Variants in CMIP observed in about 807,000 individuals in gnomAD.
CMIP encodes C-Maf-inducing protein.
CMIP carries 13 observed loss-of-function variants against 97.3 expected under a neutral mutation model. The observed-to-expected ratio is 0.13, with a 90% CI of 0.09 to 0.21. The LOEUF (loss-of-function observed/expected upper bound fraction) is 0.21, where lower values mean the gene tolerates loss of function less well. Ranked by LOEUF, CMIP falls within the 10% of genes least tolerant of loss-of-function variation. CMIP has a pLI of 1.00. For synonymous variants in CMIP, 538 were observed against 436.3 expected, an observed-to-expected ratio of 1.23 and a Z score of -2.91; for missense variants, 847 against 1,024.9, an observed-to-expected ratio of 0.83 and a Z score of 2.37.
Position 81,530,275 on chromosome 16 carries a change from G to A in CMIP, c.301-77292G>A, listed in dbSNP as rs149751770. Among the ~76,000 whole-genome samples, 459 of 152,296 alleles carry A rather than the reference G, an allele frequency of 3.0e-3. 2 individuals carry two copies. The highest frequency in any genetic ancestry group is 4.6e-3 in the Non-Finnish European group (316 of 68,010). On this transcript the variant is annotated intron_variant, in intron 1 of 20. Coordinates refer to ENST00000537098, the MANE Select transcript of CMIP (RefSeq NM_198390.3). ...ATTCTGATACTTTATTACCCCAGGCGAATGTGATTTGAGTAGAGTCCTGCT... is the reference window on the plus strand; with the variant it reads ...ATTCTGATACTTTATTACCCCAGGCAAATGTGATTTGAGTAGAGTCCTGCT...
intron 1 of CMIP, among the ~76,000 whole-genome samples, chr16:81,539,674 C>T (rs2090412206): frequency 6.6e-6 from 1 of 152,220 alleles, no homozygotes; most frequent in African/African-American, 2.4e-5. Flanking sequence ...AGCCTCCTCC[C>T]TACCACCTGA....
intron 1 of CMIP, among the ~76,000 whole-genome samples, chr16:81,536,496 C>T (rs955688484): frequency 2.0e-5 from 3 of 152,110 alleles, no homozygotes; most frequent in African/African-American, 7.2e-5. Flanking sequence ...AACATAATGC[C>T]CTGTCCTAAC....
intron 1 of CMIP, among the ~76,000 whole-genome samples, chr16:81,535,199 C>T (rs1302858400): frequency 6.6e-6 from 1 of 152,158 alleles, no homozygotes; most frequent in Non-Finnish European, 1.5e-5. Flanking sequence ...ATCTGCCTGC[C>T]TCAACCTCCC....
At chr16:81,573,536 A>C (rs971725661) in intron 1 of CMIP, among the ~76,000 whole-genome samples, 2 of 152,130 alleles carry the variant, frequency 1.3e-5, no homozygotes, top group Admixed American at 1.3e-4. Flanking sequence ...ATCGAAGCTC[A>C]TATTTGATGG....
chr16:81,509,182 G>A (rs1324276063), intron 1 of CMIP, among the ~76,000 whole-genome samples: 1 of 152,204 alleles, frequency 6.6e-6, no homozygotes, highest in Non-Finnish European at 1.5e-5. Context: ...TCCCCGTGTG[G>A]CAGACCTCCT....
intron 15 of CMIP, 51 bp downstream of exon 15, chr16:81,699,852 G>C (rs1321222712): frequency 7.8e-7 from 1 of 1,283,416 alleles, no homozygotes; most frequent in East Asian, 2.5e-5. Context: ...CCCGTCCCTT[G>C]TCCGTGCCGA....
chr16:81,673,016 G>A (rs1051120082), intron 9 of CMIP, among the ~76,000 whole-genome samples: 1 of 152,140 alleles, frequency 6.6e-6, no homozygotes, highest in Non-Finnish European at 1.5e-5. Context: ...CATGTCAGAG[G>A]GTAAGAAAAA....
intron 3 of CMIP, among the ~76,000 whole-genome samples, chr16:81,646,861 T>C (rs1393453140): frequency 6.6e-6 from 1 of 152,250 alleles, no homozygotes; most frequent in African/African-American, 2.4e-5. Context: ...CACATCTTGT[T>C]TATCCATTCA....
chr16:81,486,909 G>A (rs72836915), intron 1 of CMIP, among the ~76,000 whole-genome samples: 193 of 152,368 alleles, frequency 1.3e-3, no homozygotes, highest in African/African-American at 3.5e-3. Flanking sequence ...CTCAGGCATC[G>A]CACATTCCAT....
chr16:81,452,410 C>T (rs889433424), intron 1 of CMIP, among the ~76,000 whole-genome samples: 5 of 152,102 alleles, frequency 3.3e-5, no homozygotes, highest in Admixed American at 3.3e-4. Context: ...TAAGTGTCAC[C>T]GTTCTAGGCA....
In CMIP at chr16:81,707,050, C is replaced by T; in HGVS notation, c.2234C>T (p.Thr745Ile). The change falls in exon 20 of 21, where the codon ACC becomes ATC. Residue 745 changes from threonine to isoleucine, a missense_variant. Around this residue, in one of 4 missense-constraint regions of CMIP, gnomAD observed 266 missense variants for 384.2 expected, o/e 0.69. Transcript: ENST00000537098. ...KSLCSLNMNS[T>I]KLSADTYEDL... is the part of the protein sequence containing the mutation. ...CTCTGCAGTTTAAACATGAACAGCACCAAGCTCTCAGCTGACACCTACGAA... is the reference window on the plus strand; with the variant it reads ...CTCTGCAGTTTAAACATGAACAGCATCAAGCTCTCAGCTGACACCTACGAA... 6.2e-7 allele frequency: 1 copy of T among 1,613,832 alleles called. No individual in the cohort carries two copies. Among genetic ancestry groups the T allele is most frequent in the Non-Finnish European group, 8.5e-7 (1 of 1,179,828 alleles).
intron 5 of CMIP, among the ~76,000 whole-genome samples, chr16:81,660,185 C>T (rs1229590357): frequency 1.3e-5 from 2 of 152,102 alleles, no homozygotes; most frequent in East Asian, 3.9e-4. Flanking sequence ...AGTTCAGAAT[C>T]GAGTTCAGAC....
intron 1 of CMIP, among the ~76,000 whole-genome samples, chr16:81,572,462 C>G (rs1185540217): frequency 2.0e-5 from 3 of 152,252 alleles, no homozygotes; most frequent in Non-Finnish European, 2.9e-5. Context: ...CGGTACTTCT[C>G]TGCATCTGGC....
intron 1 of CMIP, among the ~76,000 whole-genome samples, chr16:81,535,589 G>T (rs1201611744): frequency 6.6e-6 from 1 of 151,422 alleles, no homozygotes; most frequent in African/African-American, 2.4e-5. Flanking sequence ...GTAGTACTGT[G>T]CCTGGCATAG....
At chr16:81,594,946 T>A (rs182571412) in intron 1 of CMIP, among the ~76,000 whole-genome samples, 3 of 152,056 alleles carry the variant, frequency 2.0e-5, no homozygotes, top group Non-Finnish European at 2.9e-5. Context: ...TATGATAAAG[T>A]TTAATTTATG....
intron 1 of CMIP, among the ~76,000 whole-genome samples, chr16:81,485,985 A>C (rs529362753): frequency 6.6e-6 from 1 of 152,278 alleles, no homozygotes; most frequent in Admixed American, 6.5e-5. Flanking sequence ...CGATGATCCT[A>C]AGCTCCCAGA....
chr16:81,488,504 G>A (rs2089355621), intron 1 of CMIP, among the ~76,000 whole-genome samples: 1 of 152,182 alleles, frequency 6.6e-6, no homozygotes, highest in African/African-American at 2.4e-5. Flanking sequence ...CATTCCACCT[G>A]CAGGTTTTGA....
At chr16:81,589,892 A>G (rs2091441057) in intron 1 of CMIP, among the ~76,000 whole-genome samples, 1 of 152,192 alleles carries the variant, frequency 6.6e-6, no homozygotes, top group South Asian at 2.1e-4. Flanking sequence ...AGTGTACCTC[A>G]ATGGCGTGTG....
chr16:81,501,290 C>T (rs756852539), intron 1 of CMIP, among the ~76,000 whole-genome samples: 10 of 152,216 alleles, frequency 6.6e-5, no homozygotes, highest in Non-Finnish European at 1.0e-4. Context: ...TTGTGACGCA[C>T]GGGCAGCAAA....
Sources: gnomAD v4.1 joint callset for allele counts (sites outside exome capture counted in the v4.1 genomes callset) on GRCh38, gnomAD v4.1.1 for gene constraint, gnomAD v4.1.1 regional missense constraint, MANE v1.5 for transcripts, NCBI Gene and HGNC (gene_info 2026-07-23, HGNC 2026-07-21) for gene names.